ACSL4: variants seen among roughly 807,000 people sequenced by gnomAD.
ACSL4 encodes long-chain-fatty-acid--CoA ligase 4.
ACSL4 carries 9 observed loss-of-function variants against 49.1 expected under a neutral mutation model. The ratio of observed to expected loss-of-function variants is 0.18; its 90% CI spans 0.11 to 0.32. The LOEUF (loss-of-function observed/expected upper bound fraction) is 0.32. Among genes scored for constraint, ACSL4 ranks in the 10% least tolerant of loss-of-function variants. The pLI is 1.00. For synonymous variants in ACSL4, 191 were observed against 170.3 expected (o/e 1.12, Z -0.95); for missense variants, 333 against 493.7 (o/e 0.67, Z 3.08).
chrX:109,680,528 T>C (rs780817973), intron 6 of ACSL4, among the ~76,000 whole-genome samples: 1 of 112,609 alleles, frequency 8.9e-6, no homozygotes, highest in Admixed American at 9.4e-5. Context: ...ACTTACTTGT[T>C]TCAAATGAAA....
At chrX:109,691,498 C>A (rs2147469353) in intron 2 of ACSL4, among the ~76,000 whole-genome samples, 1 of 112,222 alleles carries the variant, frequency 8.9e-6, no homozygotes, top group East Asian at 2.8e-4. Flanking sequence ...ATCTTATTTT[C>A]TTTCATACAC....
chrX:109,648,702 G>T (rs1446723230), intron 15 of ACSL4, among the ~76,000 whole-genome samples: 4 of 108,244 alleles, frequency 3.7e-5, no homozygotes, highest in Non-Finnish European at 5.7e-5. Context: ...AGGAAATAAA[G>T]GGTATTCAAT....
At chrX:109,686,412 G>T (rs990955385) in intron 2 of ACSL4, among the ~76,000 whole-genome samples, 1 of 111,939 alleles carries the variant, frequency 8.9e-6, no homozygotes, top group African/African-American at 3.2e-5. Context: ...TAATATAAAA[G>T]AGTACCATAA....
chrX:109,656,785 G>C, intron 15 of ACSL4, among the ~76,000 whole-genome samples: 1 of 107,676 alleles, frequency 9.3e-6, no homozygotes. Context: ...GGAATCCCTC[G>C]TTGGGAAAAA....
In ACSL4 at chrX:109,729,682, A is replaced by G. The variant is rs766449084; in HGVS notation, c.-66+3457T>C. On this transcript the variant is annotated intron_variant, in intron 1 of 15. Transcript: ENST00000672401. ...AATAAATAAATAAATAAGTAAAACA[A>G]ACAAAAACCCTGGAAACATCAGATG... Among the ~76,000 whole-genome samples the G allele has an allele frequency of 5.3e-5, 6 of 112,385 alleles. No individual in the cohort carries two copies. In the South Asian group the frequency reaches 2.2e-3, roughly 41 times the overall value.
Position 109,643,750 on chromosome X carries a change from C to T in ACSL4, c.*279G>A, listed in dbSNP as rs2147344075. On this transcript the variant is annotated 3_prime_UTR_variant, in exon 16 of 16. Coordinates refer to ENST00000672401, the MANE Select transcript of ACSL4 (RefSeq NM_001318510.2). Reference sequence around the variant, plus strand: ...CATTAAATATTTTTCTTTACAAAAACAAGTATATCTTAGGCTAATTTTTAA... The same window carrying T: ...CATTAAATATTTTTCTTTACAAAAATAAGTATATCTTAGGCTAATTTTTAA... The T allele has an allele frequency of 3.9e-6, 1 of 254,160 alleles. No individual in the cohort carries two copies. Among genetic ancestry groups the T allele is most frequent in the East Asian group, 7.4e-5 (1 of 13,579 alleles). The allele number at this position is 254,160 out of a possible 1,213,427, so 20.9% of individuals were successfully genotyped here.
intron 1 of ACSL4, among the ~76,000 whole-genome samples, chrX:109,697,036 C>T (rs965035379): frequency 2.0e-4 from 22 of 110,007 alleles, no homozygotes; most frequent in African/African-American, 6.6e-4. Flanking sequence ...CAGAGTGAGA[C>T]CCTGTCTAAA....
chrX:109,649,726 A>G (rs1161543717), intron 15 of ACSL4, among the ~76,000 whole-genome samples: 1 of 110,097 alleles, frequency 9.1e-6, no homozygotes, highest in Non-Finnish European at 1.9e-5. Context: ...AACTACCATC[A>G]GAGTGAACAG....
chrX:109,660,879 G>T (rs781412944), intron 14 of ACSL4, among the ~76,000 whole-genome samples: 1 of 110,648 alleles, frequency 9.0e-6, no homozygotes, highest in South Asian at 3.7e-4. Context: ...TTCTAGAGAA[G>T]TCAAATTCAT....
At chrX:109,678,704 C>G (rs1332027295) in intron 6 of ACSL4, among the ~76,000 whole-genome samples, 1 of 111,842 alleles carries the variant, frequency 8.9e-6, no homozygotes, top group Non-Finnish European at 1.9e-5. Flanking sequence ...GTGGCATGCA[C>G]CTGCAGTCCT....
chrX:109,710,586 T>A, intron 1 of ACSL4, among the ~76,000 whole-genome samples: 1 of 112,960 alleles, frequency 8.9e-6, no homozygotes, highest in Non-Finnish European at 1.9e-5. Flanking sequence ...TAAACAGATA[T>A]AGGATAAATC....
chrX:109,732,235 G>A (rs758394331), intron 1 of ACSL4, among the ~76,000 whole-genome samples: 26 of 112,045 alleles, frequency 2.3e-4, no homozygotes, highest in South Asian at 7.4e-4. Context: ...TCAGAGCGAC[G>A]ATTGACCTTT....
intron 1 of ACSL4, among the ~76,000 whole-genome samples, chrX:109,729,448 C>T (rs1374893229): frequency 9.0e-6 from 1 of 111,646 alleles, no homozygotes; most frequent in African/African-American, 3.3e-5. Context: ...GCACCAAATG[C>T]TGTCAAGGAT....
chrX:109,707,066 C>T (rs1163079742), intron 1 of ACSL4, among the ~76,000 whole-genome samples: 1 of 112,114 alleles, frequency 8.9e-6, no homozygotes, highest in Non-Finnish European at 1.9e-5. Context: ...CTTTCCTCTA[C>T]ATTAGAGACT....
intron 1 of ACSL4, among the ~76,000 whole-genome samples, chrX:109,710,168 T>G (rs868679001): frequency 1.8e-5 from 2 of 112,339 alleles, no homozygotes; most frequent in South Asian, 7.2e-4. Flanking sequence ...GACTGTCCTG[T>G]GGTTGTCCCA....
At chrX:109,659,149 C>G (rs1921955137) in intron 15 of ACSL4, among the ~76,000 whole-genome samples, 1 of 112,186 alleles carries the variant, frequency 8.9e-6, no homozygotes, top group Non-Finnish European at 1.9e-5. Context: ...GATGTTGAAA[C>G]ATGCAATAAA....
chrX:109,715,662 C>T (rs1927076125), intron 1 of ACSL4, among the ~76,000 whole-genome samples: 1 of 110,150 alleles, frequency 9.1e-6, no homozygotes, highest in South Asian at 3.8e-4. Context: ...GAGATCAAAA[C>T]AATAAATCAT....
chrX:109,725,171 C>G (rs769732301), intron 1 of ACSL4, among the ~76,000 whole-genome samples: 1 of 110,189 alleles, frequency 9.1e-6, no homozygotes, highest in Admixed American at 9.7e-5. Flanking sequence ...ACCTTGAACT[C>G]CTGGCCTCAA....
intron 15 of ACSL4, among the ~76,000 whole-genome samples, chrX:109,644,671 G>C (rs1934565449): frequency 8.9e-6 from 1 of 112,267 alleles, no homozygotes; most frequent in Non-Finnish European, 1.9e-5. Context: ...AGAGAAGGGG[G>C]AGGAGCCAAG....
Sources: gnomAD v4.1 joint callset for allele counts (sites outside exome capture counted in the v4.1 genomes callset) on GRCh38, gnomAD v4.1.1 for gene constraint, MANE v1.5 for transcripts, NCBI Gene and HGNC (gene_info 2026-07-23, HGNC 2026-07-21) for gene names.